Variants in BTBD9 observed in about 807,000 individuals in gnomAD.
The protein encoded by BTBD9 is BTB domain containing 9, also known as BTB/POZ domain-containing protein 9.
BTBD9 carries 49 observed loss-of-function variants against 64.3 expected under a neutral mutation model. That is an observed-to-expected ratio of 0.76 (90% CI 0.61 to 0.97). BTBD9 has a LOEUF of 0.97. Among genes scored for constraint, BTBD9 ranks in the 50% least tolerant of loss-of-function variants. The pLI is 0.00. For synonymous variants in BTBD9, 260 were observed against 274.7 expected, an observed-to-expected ratio of 0.95 and a Z score of 0.53; for missense variants, 598 against 762.1, an observed-to-expected ratio of 0.78 and a Z score of 2.53.
At chr6:38,468,320 T>C (rs766063148) in intron 6 of BTBD9, among the ~76,000 whole-genome samples, 48 of 152,316 alleles carry the variant, frequency 3.2e-4, no homozygotes, top group Non-Finnish European at 6.0e-4. Flanking sequence ...TATATCAACC[T>C]TATTTCCTAA....
chr6:38,370,233 C>T (rs866057124), intron 6 of BTBD9, among the ~76,000 whole-genome samples: 24 of 152,326 alleles, frequency 1.6e-4, no homozygotes, highest in Middle Eastern at 3.4e-3. Flanking sequence ...CAGTATTACT[C>T]ACTCAGCCTG....
chr6:38,207,627 TAAAC>T (rs960982574), intron 9 of BTBD9, among the ~76,000 whole-genome samples: 20 of 148,910 alleles, frequency 1.3e-4, no homozygotes, highest in Admixed American at 1.1e-3. Context: ...GTCTCAAAAA[TAAAC>T]AAACAAACAA....
rs1264895779 is a variant in BTBD9 at position 38,487,226 on chromosome 6, T to C, written c.1154+90374A>G. ...AAATTATGTGCTTGTGGTTATCCAT[T>C]ATATAAATTATCTCCTGTCATTCTG... On this transcript the variant is annotated intron_variant, in intron 6 of 10. Transcript: ENST00000481247. Among the ~76,000 whole-genome samples, 26 of 152,204 alleles carry C rather than the reference T, an allele frequency of 1.7e-4. 1 individual carries two copies. The highest frequency in any genetic ancestry group is 1.7e-3 in the Admixed American group (26 of 15,278).
chr6:38,322,062 C>T (rs1763258054), intron 7 of BTBD9, among the ~76,000 whole-genome samples: 1 of 151,858 alleles, frequency 6.6e-6, no homozygotes, highest in Non-Finnish European at 1.5e-5. Context: ...TTTTACAAAG[C>T]CCTGGCCCTT....
intron 6 of BTBD9, among the ~76,000 whole-genome samples, chr6:38,496,865 C>G (rs1356898743): frequency 6.6e-6 from 1 of 152,168 alleles, no homozygotes; most frequent in African/African-American, 2.4e-5. Context: ...ATCATGCCTT[C>G]CCTTGCTACG....
intron 6 of BTBD9, among the ~76,000 whole-genome samples, chr6:38,522,990 C>G (rs931278676): frequency 6.6e-6 from 1 of 152,152 alleles, no homozygotes; most frequent in African/African-American, 2.4e-5. Context: ...TGAGACCAAC[C>G]TGGCCAACAT....
At chr6:38,471,002 T>C (rs571268951) in intron 6 of BTBD9, among the ~76,000 whole-genome samples, 1 of 152,124 alleles carries the variant, frequency 6.6e-6, no homozygotes, top group East Asian at 1.9e-4. Context: ...TCTTTGGGAG[T>C]TGTTTATAAA....
At position 38,333,689 on chromosome 6, in the gene BTBD9, C is replaced by G. The variant is rs1045064468; in HGVS notation, c.1264+11295G>C. On this transcript the variant is annotated intron_variant, in intron 7 of 10. Transcript: ENST00000481247. The stretch of plus-strand genomic sequence containing the variant: ...TGCCATGACTGTAAGTTTCGTGAAG[C>G]CTCTGCAGAAGCAGAAGCCCGTACA... Among the ~76,000 whole-genome samples the G allele has an allele frequency of 3.9e-5, 6 of 152,308 alleles. No individual in the cohort carries two copies. The South Asian group carries it at 6.2e-4, about 16-fold the overall frequency.
intron 9 of BTBD9, among the ~76,000 whole-genome samples, chr6:38,199,931 ACCATCC>A (rs1402175257): frequency 6.6e-6 from 1 of 152,232 alleles, no homozygotes; most frequent in Non-Finnish European, 1.5e-5. Context: ...ACCATGGGCT[ACCATCC>A]TCGAGGCTTG....
intron 1 of BTBD9, among the ~76,000 whole-genome samples, chr6:38,631,655 A>G (rs549266113): frequency 6.6e-6 from 1 of 152,268 alleles, no homozygotes; most frequent in South Asian, 2.1e-4. Context: ...GTCAACAGCC[A>G]TGTGAGTGTA....
intron 10 of BTBD9, among the ~76,000 whole-genome samples, chr6:38,178,542 G>T (rs1453298675): frequency 1.3e-5 from 2 of 152,180 alleles, no homozygotes; most frequent in African/African-American, 4.8e-5. Flanking sequence ...AGGGCATAGA[G>T]GAGTGGGACC....
At chr6:38,287,629 T>C (rs1413390612) in intron 8 of BTBD9, among the ~76,000 whole-genome samples, 1 of 152,180 alleles carries the variant, frequency 6.6e-6, no homozygotes, top group Non-Finnish European at 1.5e-5. Context: ...TGGTAGGCTA[T>C]ATACCATCTA....
At position 38,562,395 on chromosome 6, in the gene BTBD9, C is replaced by T. The variant is rs1158388269; in HGVS notation, c.1154+15205G>A. The stretch of plus-strand genomic sequence containing the variant: ...TTTATTTACCTTCATGGCGAAGTTT[C>T]TCAAAAAAAGTGATCTATTCTTTTT... On this transcript the variant is annotated intron_variant, in intron 6 of 10. Transcript: ENST00000481247. Among the ~76,000 whole-genome samples, 9 of 152,230 alleles carry T rather than the reference C, an allele frequency of 5.9e-5. No individual in the cohort carries two copies. The East Asian group carries it at 1.7e-3, about 29-fold the overall frequency.
intron 6 of BTBD9, among the ~76,000 whole-genome samples, chr6:38,422,718 G>T (rs989903683): frequency 2.0e-5 from 3 of 152,106 alleles, no homozygotes; most frequent in Non-Finnish European, 4.4e-5. Context: ...CAGAGGTCAC[G>T]ATTTGCCTCC....
intron 1 of BTBD9, chr6:38,613,054 T>C (rs983934488): frequency 6.6e-6 from 1 of 152,208 alleles, no homozygotes; most frequent in Non-Finnish European, 1.5e-5. Flanking sequence ...AAAATATAAA[T>C]TGTATTTCAA....
At chr6:38,383,216 A>T (rs1766011941) in intron 6 of BTBD9, among the ~76,000 whole-genome samples, 1 of 152,214 alleles carries the variant, frequency 6.6e-6, no homozygotes, top group South Asian at 2.1e-4. Context: ...AACATTAGAA[A>T]ATCTTACAAT....
At chr6:38,252,322 AAT>A (rs2127532382) in intron 9 of BTBD9, among the ~76,000 whole-genome samples, 2 of 152,364 alleles carry the variant, frequency 1.3e-5, no homozygotes, top group African/African-American at 4.8e-5. Context: ...TCTTGAAACT[AAT>A]AGAGTCCTCT....
intron 6 of BTBD9, among the ~76,000 whole-genome samples, chr6:38,462,745 T>A (rs1770159784): frequency 6.6e-6 from 1 of 152,198 alleles, no homozygotes; most frequent in Non-Finnish European, 1.5e-5. Context: ...TTTACAATAT[T>A]GAGTCTTCTG....
At position 38,395,817 on chromosome 6, in the gene BTBD9, C is replaced by T. The variant is rs1766642616; in HGVS notation, c.1155-50724G>A. 2.0e-5 allele frequency among the ~76,000 whole-genome samples: 3 copies of T among 151,798 alleles called. No individual in the cohort carries two copies. The South Asian group carries it at 6.2e-4, about 32-fold the overall frequency. ...CTCTGCCTCCCGGGTTCAAGCAATT[C>T]TCCTGCCTCAGCCTCTCGAGTAGCT... On this transcript the variant is annotated intron_variant, in intron 6 of 10. Coordinates refer to ENST00000481247, the MANE Select transcript of BTBD9 (RefSeq NM_001099272.2).
Sources: gnomAD v4.1 joint callset for allele counts (sites outside exome capture counted in the v4.1 genomes callset) on GRCh38, gnomAD v4.1.1 for gene constraint, MANE v1.5 for transcripts, NCBI Gene and HGNC (gene_info 2026-07-23, HGNC 2026-07-21) for gene names.